FBXL3: variants seen among roughly 807,000 people sequenced by gnomAD.
FBXL3 encodes the protein F-box/LRR-repeat protein 3.
FBXL3 carries 14 observed loss-of-function variants against 37.9 expected under a neutral mutation model. That is an observed-to-expected ratio of 0.37 (90% CI 0.24 to 0.58). FBXL3 has a LOEUF of 0.58. Among genes scored for constraint, FBXL3 ranks in the 20% least tolerant of loss-of-function variants. The probability of loss-of-function intolerance (pLI) is 0.74; values close to 1 mark genes in which losing one functional copy is unlikely to be tolerated. For missense variants in FBXL3, 327 were observed against 511.1 expected, an observed-to-expected ratio of 0.64 and a Z score of 3.47; for synonymous variants, 194 against 180.1, an observed-to-expected ratio of 1.08 and a Z score of -0.62.
chr13:77,008,283 T>C (rs755138167), intron 4 of FBXL3, among the ~76,000 whole-genome samples: 1 of 152,206 alleles, frequency 6.6e-6, no homozygotes, highest in South Asian at 2.1e-4. Context: ...CTAAAGATTC[T>C]ATCAAATGAT....
chr13:77,019,802 C>G (rs1487357848), intron 2 of FBXL3, among the ~76,000 whole-genome samples: 1 of 151,836 alleles, frequency 6.6e-6, no homozygotes. Context: ...TGTGATGTGA[C>G]TCTTTTTTGT....
At chr13:77,024,499 TTTTAC>T (rs1166636868) in intron 1 of FBXL3, among the ~76,000 whole-genome samples, 2 of 152,322 alleles carry the variant, frequency 1.3e-5, no homozygotes, top group African/African-American at 2.4e-5. Context: ...GAATGATTCA[TTTTAC>T]TTTAGAGTAT....
At chr13:77,022,933 A>C (rs1000998610) in intron 1 of FBXL3, among the ~76,000 whole-genome samples, 36 of 152,140 alleles carry the variant, frequency 2.4e-4, no homozygotes, top group Middle Eastern at 3.2e-3. Context: ...CCTGTGCTTA[A>C]ATTTCCAAAA....
chr13:77,017,709 T>C (rs1458048890), intron 3 of FBXL3: 2 of 152,172 alleles, frequency 1.3e-5, no homozygotes. Context: ...TCTCAAAATA[T>C]ACATATGTAA....
At chr13:77,011,138 G>A (rs117095213) in intron 4 of FBXL3, among the ~76,000 whole-genome samples, 2,298 of 152,058 alleles carry the variant, frequency 0.015, 32 homozygotes, top group East Asian at 0.07. Context: ...TCAGAAGTTC[G>A]CGACCAGCCT....
chr13:77,017,295 GT>G (rs1335975521), intron 3 of FBXL3: 1 of 152,096 alleles, frequency 6.6e-6, no homozygotes, highest in African/African-American at 2.4e-5. Context: ...ATTAAATTAT[GT>G]TCAACATATC....
intron 2 of FBXL3, chr13:77,018,930 G>A: frequency 2.5e-6 from 1 of 404,692 alleles, no homozygotes; most frequent in Non-Finnish European, 4.2e-6. Context: ...CCTCCAACTT[G>A]GCCTTTTCTA....
chr13:77,023,249 T>C (rs1262629516), intron 1 of FBXL3, among the ~76,000 whole-genome samples: 1 of 152,110 alleles, frequency 6.6e-6, no homozygotes, highest in Non-Finnish European at 1.5e-5. Flanking sequence ...AGCCTCGACC[T>C]CCTGAGATCA....
At chr13:77,018,494 G>A (rs1335285047) in intron 3 of FBXL3, 106 bp downstream of exon 3, 1 of 665,282 alleles carries the variant, frequency 1.5e-6, no homozygotes, top group Non-Finnish European at 2.2e-6. Flanking sequence ...TTTCCATTAT[G>A]TATATATATA....
chr13:77,017,108 T>C (rs1593930553), intron 3 of FBXL3: 1 of 152,096 alleles, frequency 6.6e-6, no homozygotes, highest in South Asian at 2.1e-4. Context: ...TTCCAAAATA[T>C]TGCAACGCCC....
chr13:77,024,850 T>C (rs2154038028), intron 1 of FBXL3, among the ~76,000 whole-genome samples: 1 of 152,310 alleles, frequency 6.6e-6, no homozygotes, highest in East Asian at 1.9e-4. Context: ...TTATAGTGCA[T>C]TAAGCAATTG....
At chr13:77,023,935 G>A (rs577523233) in intron 1 of FBXL3, among the ~76,000 whole-genome samples, 3 of 152,338 alleles carry the variant, frequency 2.0e-5, no homozygotes, top group South Asian at 4.1e-4. Flanking sequence ...GTCAGTCAAA[G>A]ACGTCTTAGC....
At chr13:77,021,226 T>C (rs1290986729) in intron 2 of FBXL3, among the ~76,000 whole-genome samples, 1 of 152,220 alleles carries the variant, frequency 6.6e-6, no homozygotes, top group Non-Finnish European at 1.5e-5. Context: ...TTCTTCTTCC[T>C]CAAAATCGTT....
chr13:77,009,099 G>A (rs1317728066), intron 4 of FBXL3: 1 of 152,160 alleles, frequency 6.6e-6, no homozygotes, highest in Non-Finnish European at 1.5e-5. Flanking sequence ...TAGCAAAGCT[G>A]CAATACAAAC....
chr13:77,021,791 G>A lies in FBXL3; in HGVS notation c.70C>T (p.Leu24=), dbSNP rs1310665833. ...EEGTAEKSKK[L]RTTNEHSQTC... ...TGAGAATGCTCATTTGTAGTCCTCA[G>A]TTTCTTGGATTTCTCTGCAGTTCCT... Residue 24 remains leucine (L), a synonymous_variant, in exon 2 of 5, where the codon CTG becomes TTG. Transcript: ENST00000355619. 6.2e-7 allele frequency: 1 copy of A among 1,613,702 alleles called. No homozygotes were observed. Among genetic ancestry groups the A allele is most frequent in the Admixed American group, 1.7e-5 (1 of 60,026 alleles).
At chr13:77,026,160 A>C in intron 1 of FBXL3, 2 of 983,790 alleles carry the variant, frequency 2.0e-6, no homozygotes, top group Non-Finnish European at 2.4e-6. Flanking sequence ...AATAAAAATG[A>C]TCTCTCTCAC....
intron 1 of FBXL3, 111 bp downstream of exon 1, chr13:77,026,716 C>G (rs1438218293): frequency 8.6e-6 from 1 of 116,088 alleles, no homozygotes; most frequent in African/African-American, 3.2e-5. Context: ...CGCGCCCCGG[C>G]CCCCGCGCCC....
At chr13:77,019,306 T>C (rs1047677038) in intron 2 of FBXL3, among the ~76,000 whole-genome samples, 1 of 152,140 alleles carries the variant, frequency 6.6e-6, no homozygotes, top group East Asian at 1.9e-4. Context: ...TTCTCACACA[T>C]ACTTCTGCAA....
In FBXL3 at chr13:77,006,778, AT is replaced by A. The variant is rs984691343; in HGVS notation, c.*366del. ...GAAGACCCTAAAATGTCAAGTTTAC[AT>A]TTTTTTTTAAATGCATAGAGAATAT... On this transcript the variant is annotated 3_prime_UTR_variant, in exon 5 of 5. Coordinates refer to ENST00000355619, the MANE Select transcript of FBXL3 (RefSeq NM_012158.4). The A allele has an allele frequency of 7.3e-4, 712 of 973,712 alleles. No homozygotes were observed. Among genetic ancestry groups the A allele is most frequent in the East Asian group, 1.6e-3 (17 of 10,462 alleles). 60.3% of individuals were successfully genotyped at this position (973,712 alleles called of 1,614,324 possible).
Sources: allele counts gnomAD v4.1 joint callset (sites outside exome capture counted in the v4.1 genomes callset), GRCh38; gene constraint gnomAD v4.1.1; transcripts MANE v1.5; gene names NCBI Gene and HGNC (gene_info 2026-07-23, HGNC 2026-07-21).